The following OTOGL variants were observed in gnomAD, a reference collection of about 807,000 sequenced individuals.
OTOGL encodes otogelin like.
Under a neutral mutation model 318.5 loss-of-function variants are expected in OTOGL, and 285 were observed. The observed-to-expected ratio is 0.89, with a 90% confidence interval of 0.81 to 0.99. OTOGL has a LOEUF of 0.99. Among genes scored for constraint, OTOGL ranks in the 50% least tolerant of loss-of-function variants. OTOGL has a pLI of 0.00. For synonymous variants in OTOGL, 987 were observed against 936.5 expected, an observed-to-expected ratio of 1.05 and a Z score of -0.99; for missense variants, 2,899 against 2,845.6, an observed-to-expected ratio of 1.02 and a Z score of -0.43.
At chr12:80,144,190 A>G (rs990806434) in intron 1 of OTOGL, among the ~76,000 whole-genome samples, 5 of 152,066 alleles carry the variant, frequency 3.3e-5, no homozygotes, top group East Asian at 1.9e-4. Flanking sequence ...GTATCTCCCA[A>G]TGCTATCCCT....
chr12:80,125,818 A>G (rs12309641), intron 1 of OTOGL, among the ~76,000 whole-genome samples: 5 of 152,018 alleles, frequency 3.3e-5, no homozygotes, highest in African/African-American at 9.7e-5. Flanking sequence ...TTTCTAGTTT[A>G]TTTGTGTAAA....
At position 80,249,740 on chromosome 12, in the gene OTOGL, G is replaced by A. The variant is rs868146583; in HGVS notation, c.1053-1953G>A. Among the ~76,000 whole-genome samples, 1,033 of 152,226 alleles carry A rather than the reference G, an allele frequency of 6.8e-3. 11 individuals carry two copies. Among genetic ancestry groups the A allele is most frequent in the African/African-American group, 0.022 (903 of 41,528 alleles). ...TTTGTTTACCTAAGGAAGCCTGGGC[G>A]ATGGCGGGCGCCCCTCCCCCAGCCT... On this transcript the variant is annotated intron_variant, in intron 11 of 58. Coordinates refer to ENST00000547103, the MANE Select transcript of OTOGL (RefSeq NM_001378609.3).
chr12:80,187,805 A>G (rs1592529193), intron 1 of OTOGL, among the ~76,000 whole-genome samples: 1 of 152,190 alleles, frequency 6.6e-6, no homozygotes, highest in Admixed American at 6.5e-5. Context: ...GGCTGGTGTC[A>G]GATACAAGCT....
intron 38 of OTOGL, among the ~76,000 whole-genome samples, chr12:80,333,794 A>G (rs1888226209): frequency 6.6e-6 from 1 of 152,168 alleles, no homozygotes; most frequent in Non-Finnish European, 1.5e-5. Flanking sequence ...TGATCTGCAA[A>G]TGTTAAGAGA....
chr12:80,150,181 C>T (rs764152277), intron 1 of OTOGL, among the ~76,000 whole-genome samples: 9 of 152,198 alleles, frequency 5.9e-5, no homozygotes, highest in Non-Finnish European at 1.2e-4. Flanking sequence ...ACCAAAGGTC[C>T]TGTTCCCTGG....
rs545878544 is a variant in OTOGL, at chr12:80,244,786, G to T, written c.1052+5347G>T. Among the ~76,000 whole-genome samples the T allele has an allele frequency of 4.4e-3, 643 of 146,702 alleles. 51 individuals carry two copies. Among genetic ancestry groups the T allele is most frequent in the African/African-American group, 0.016 (606 of 36,852 alleles). On this transcript the variant is annotated intron_variant, in intron 11 of 58. Coordinates refer to ENST00000547103, the MANE Select transcript of OTOGL (RefSeq NM_001378609.3). ...GAACTAGTTTACAGTCCCACCAACAGTGTAAAAGTGTTCCTATTTCTCCAC... is the reference window on the plus strand; with the variant it reads ...GAACTAGTTTACAGTCCCACCAACATTGTAAAAGTGTTCCTATTTCTCCAC...
intron 11 of OTOGL, among the ~76,000 whole-genome samples, chr12:80,243,466 C>T (rs12299279): frequency 6.6e-6 from 1 of 151,604 alleles, no homozygotes. Flanking sequence ...CGGACATTCT[C>T]TCAATATAAA....
chr12:80,303,259 C>T (rs1433717624), intron 28 of OTOGL, among the ~76,000 whole-genome samples: 1 of 152,104 alleles, frequency 6.6e-6, no homozygotes, highest in African/African-American at 2.4e-5. Context: ...GGGTTCACGC[C>T]ATTCTCCTGC....
chr12:80,124,318 T>A (rs995402883), intron 1 of OTOGL, among the ~76,000 whole-genome samples: 1 of 152,232 alleles, frequency 6.6e-6, no homozygotes, highest in Non-Finnish European at 1.5e-5. Context: ...TGCTTGTTTT[T>A]GTGAGGTTTG....
chr12:80,306,477 T>C (rs914288543), intron 29 of OTOGL, among the ~76,000 whole-genome samples: 6 of 152,204 alleles, frequency 3.9e-5, no homozygotes, highest in African/African-American at 1.4e-4. Flanking sequence ...AATTTCCTGA[T>C]TGGTTACCAT....
chr12:80,211,969 G>A lies in OTOGL; in HGVS notation c.140G>A (p.Arg47Gln), dbSNP rs761108368. The A allele has an allele frequency of 1.3e-6, 2 of 1,575,934 alleles. No homozygotes were observed. The highest frequency in any genetic ancestry group is 2.3e-5 in the East Asian group (1 of 44,094). Reference sequence around the variant, plus strand: ...TCCAGAAACGGGTTTAATGAAAATCGACAGAAAAGAGCTCTTTTAGCAGCA... The same window carrying A: ...TCCAGAAACGGGTTTAATGAAAATCAACAGAAAAGAGCTCTTTTAGCAGCA... Reference protein sequence around the residue: ...GTSKNGFNENRQKRALLAAQF... With the variant: ...GTSKNGFNENQQKRALLAAQF... Residue 47 changes from arginine (R) to glutamine (Q), a missense_variant, in exon 4 of 59, where the codon CGA becomes CAA. Arg to Gln is a conservative substitution (Grantham distance 43, BLOSUM62 1). Coordinates refer to ENST00000547103, the MANE Select transcript of OTOGL (RefSeq NM_001378609.3).
At chr12:80,266,356 C>A in intron 20 of OTOGL, 95 bp from the exon 21 acceptor site, 3 of 1,305,650 alleles carry the variant, frequency 2.3e-6, no homozygotes, top group Non-Finnish European at 2.1e-6. Context: ...TTGTAACAGG[C>A]CAGCTTTCAT....
chr12:80,191,039 A>G (rs1332920708), intron 1 of OTOGL, among the ~76,000 whole-genome samples: 1 of 152,190 alleles, frequency 6.6e-6, no homozygotes, highest in Non-Finnish European at 1.5e-5. Flanking sequence ...AGACAGGAGT[A>G]GTGTAACCCA....
chr12:80,164,517 G>A (rs1369519925), intron 1 of OTOGL, among the ~76,000 whole-genome samples: 2 of 152,232 alleles, frequency 1.3e-5, no homozygotes, highest in East Asian at 3.9e-4. Context: ...TTCTGAATTT[G>A]TTGACATATA....
At chr12:80,199,497 A>G (rs1373057973) in intron 1 of OTOGL, among the ~76,000 whole-genome samples, 4 of 152,212 alleles carry the variant, frequency 2.6e-5, no homozygotes, top group Non-Finnish European at 5.9e-5. Flanking sequence ...GAGAGAGGCC[A>G]TCTTATTCAT....
chr12:80,146,734 GCTC>G (rs968310199), intron 1 of OTOGL, among the ~76,000 whole-genome samples: 1 of 151,802 alleles, frequency 6.6e-6, no homozygotes, highest in African/African-American at 2.4e-5. Flanking sequence ...CACAATTTCA[GCTC>G]CTGTTATTGG....
At chr12:80,160,124 G>A (rs558312909) in intron 1 of OTOGL, among the ~76,000 whole-genome samples, 9 of 152,178 alleles carry the variant, frequency 5.9e-5, no homozygotes, top group Non-Finnish European at 7.4e-5. Context: ...TTAAATCTAA[G>A]ACCTGAAAAT....
chr12:80,226,664 C>T (rs1878886593), intron 7 of OTOGL, among the ~76,000 whole-genome samples: 1 of 152,032 alleles, frequency 6.6e-6, no homozygotes, highest in South Asian at 2.1e-4. Flanking sequence ...TTCTTGGTTC[C>T]CACCGATGTC....
At chr12:80,292,418 TG>T (rs1885105254) in intron 26 of OTOGL, among the ~76,000 whole-genome samples, 4 of 152,354 alleles carry the variant, frequency 2.6e-5, no homozygotes, top group Admixed American at 2.6e-4. Flanking sequence ...TGCCCAGTAT[TG>T]GGCCAGCAAT....
Sources: allele counts gnomAD v4.1 joint callset (sites outside exome capture counted in the v4.1 genomes callset), GRCh38; gene constraint gnomAD v4.1.1; transcripts MANE v1.5; gene names NCBI Gene and HGNC (gene_info 2026-07-23, HGNC 2026-07-21).